The following LRP1B variants were observed in gnomAD, a reference collection of about 807,000 sequenced individuals.
LRP1B encodes the protein low-density lipoprotein receptor-related protein 1B.
LRP1B carries 217 observed loss-of-function variants against 556.6 expected under a neutral mutation model. That is an observed-to-expected ratio of 0.39 (90% CI 0.35 to 0.44). The LOEUF is 0.44. LRP1B is among the 20% of genes least tolerant of loss of function. The pLI, the probability that LRP1B is intolerant of heterozygous loss-of-function variation, is 1.00. For missense variants in LRP1B, 5,053 were observed against 5,620.8 expected (o/e 0.90, Z 3.23); for synonymous variants, 2,047 against 1,865.8 (o/e 1.10, Z -2.50).
At chr2:140,527,572 A>G (rs1574042798) in intron 47 of LRP1B, among the ~76,000 whole-genome samples, 1 of 151,916 alleles carries the variant, frequency 6.6e-6, no homozygotes, top group East Asian at 1.9e-4. Context: ...TTTTATTTAC[A>G]ATTTGCAATT....
intron 7 of LRP1B, among the ~76,000 whole-genome samples, chr2:141,065,534 T>C (rs562256620): frequency 7.2e-5 from 11 of 151,960 alleles, no homozygotes; most frequent in Non-Finnish European, 1.6e-4. Flanking sequence ...GATGTTAATA[T>C]TTCCAAAGAG....
chr2:141,447,081 C>A (rs1334193485), intron 3 of LRP1B, among the ~76,000 whole-genome samples: 1 of 152,016 alleles, frequency 6.6e-6, no homozygotes. Flanking sequence ...TTCACATAGT[C>A]CCATATTTCT....
At position 140,908,093 on chromosome 2, in the gene LRP1B, A is replaced by G; in HGVS notation, c.3320-16T>C. 3 of 1,603,002 alleles carry G rather than the reference A, an allele frequency of 1.9e-6. No homozygotes were observed. The highest frequency in any genetic ancestry group is 2.6e-6 in the Non-Finnish European group (3 of 1,170,636). On this transcript the variant is annotated splice_polypyrimidine_tract_variant and intron_variant, in intron 21 of 90. Transcript: ENST00000389484. The stretch of plus-strand genomic sequence containing the variant: ...ATGCATCTCCCTTAAGAAAACAGAA[A>G]TAGTGTCAGTTTGATTTTTGTGATT...
At chr2:141,270,624 G>T (rs1685054927) in intron 3 of LRP1B, among the ~76,000 whole-genome samples, 1 of 151,970 alleles carries the variant, frequency 6.6e-6, no homozygotes. Context: ...AGAAAATTCT[G>T]ACATATGCTG....
rs1341059993 is a variant in LRP1B, at chr2:142,031,492, C to T, written c.82+99156G>A. Among the ~76,000 whole-genome samples the T allele has an allele frequency of 1.8e-4, 18 of 99,324 alleles. 1 individual carries two copies. The highest frequency in any genetic ancestry group is 7.7e-4 in the Admixed American group (7 of 9,112). The allele number at this position is 99,324 out of a possible 152,430, so 65.2% of individuals were successfully genotyped here. ...CCAATGCTATCCCTCCCCCCTCCCC[C>T]GACCCCACCACAGTCCCCAGAGTGT... On this transcript the variant is annotated intron_variant, in intron 1 of 90. Coordinates refer to ENST00000389484, the MANE Select transcript of LRP1B (RefSeq NM_018557.3).
At chr2:140,753,782 A>G (rs1210135966) in intron 35 of LRP1B, among the ~76,000 whole-genome samples, 1 of 152,148 alleles carries the variant, frequency 6.6e-6, no homozygotes, top group Non-Finnish European at 1.5e-5. Flanking sequence ...TTGGCTCCCA[A>G]TAAAAAGTCT....
intron 1 of LRP1B, among the ~76,000 whole-genome samples, chr2:142,067,693 G>T (rs1705155519): frequency 6.6e-6 from 1 of 151,450 alleles, no homozygotes; most frequent in South Asian, 2.1e-4. Flanking sequence ...TCCCAAATAT[G>T]AAAAGAACAG....
At chr2:140,723,220 T>C (rs1448286262) in intron 35 of LRP1B, among the ~76,000 whole-genome samples, 1 of 152,164 alleles carries the variant, frequency 6.6e-6, no homozygotes, top group Non-Finnish European at 1.5e-5. Context: ...TCTCATGAAT[T>C]GTCAAGCTTT....
chr2:141,861,365 T>C (rs1198730533), intron 1 of LRP1B, among the ~76,000 whole-genome samples: 1 of 152,204 alleles, frequency 6.6e-6, no homozygotes, highest in Non-Finnish European at 1.5e-5. Flanking sequence ...TAACAACTTC[T>C]ACAATATGTG....
intron 7 of LRP1B, among the ~76,000 whole-genome samples, chr2:141,171,729 A>G (rs1014323918): frequency 6.6e-6 from 1 of 152,020 alleles, no homozygotes; most frequent in African/African-American, 2.4e-5. Context: ...TGACTGAAAC[A>G]TTTACTAGCT....
At chr2:140,992,247 AC>A (rs1284988718) in intron 16 of LRP1B, among the ~76,000 whole-genome samples, 1 of 152,080 alleles carries the variant, frequency 6.6e-6, no homozygotes, top group Non-Finnish European at 1.5e-5. Flanking sequence ...GGGAAAAAAA[AC>A]ACAAAAAAAC....
At chr2:141,554,002 T>G (rs1685861323) in intron 2 of LRP1B, among the ~76,000 whole-genome samples, 2 of 140,258 alleles carry the variant, frequency 1.4e-5, no homozygotes, top group African/African-American at 5.2e-5. Context: ...AGATTATATA[T>G]ATCTATATTA....
At chr2:140,334,400 A>G (rs1381452486) in intron 79 of LRP1B, 53 bp downstream of exon 79, 4 of 1,076,996 alleles carry the variant, frequency 3.7e-6, no homozygotes, top group Non-Finnish European at 5.8e-6. Context: ...AACTGTTAAC[A>G]GTAATATACT....
At chr2:141,009,466 T>C (rs1029922330) in intron 14 of LRP1B, among the ~76,000 whole-genome samples, 4 of 151,960 alleles carry the variant, frequency 2.6e-5, no homozygotes, top group African/African-American at 9.7e-5. Flanking sequence ...TTGAAGCCAC[T>C]TATGTAAGTG....
chr2:140,684,924 T>C (rs1206242534), intron 41 of LRP1B, among the ~76,000 whole-genome samples: 1 of 152,182 alleles, frequency 6.6e-6, no homozygotes, highest in East Asian at 1.9e-4. Context: ...ATTACATCCC[T>C]TTCTATTGTC....
chr2:141,204,918 C>T (rs1682205529), intron 6 of LRP1B, among the ~76,000 whole-genome samples: 2 of 151,208 alleles, frequency 1.3e-5, no homozygotes, highest in South Asian at 4.2e-4. Flanking sequence ...GCCTGGGTGA[C>T]AGAGCAAGAC....
At chr2:140,931,599 T>C (rs1209727769) in intron 20 of LRP1B, among the ~76,000 whole-genome samples, 2 of 152,164 alleles carry the variant, frequency 1.3e-5, no homozygotes, top group Non-Finnish European at 2.9e-5. Context: ...AGTTAAATTA[T>C]CTTTAGTGTT....
At chr2:140,526,026 C>T (rs1690417096) in intron 48 of LRP1B, 33 bp from the exon 49 acceptor site, 1 of 1,605,560 alleles carries the variant, frequency 6.2e-7, no homozygotes, top group Non-Finnish European at 8.5e-7. Context: ...TGAAAAAGTA[C>T]CTCATTTTCA....
At chr2:141,380,409 T>G (rs1223149149) in intron 3 of LRP1B, among the ~76,000 whole-genome samples, 1 of 152,198 alleles carries the variant, frequency 6.6e-6, no homozygotes, top group African/African-American at 2.4e-5. Flanking sequence ...CACTTGCCAC[T>G]GCTCACTCTA....
Sources: gnomAD v4.1 joint callset for allele counts (sites outside exome capture counted in the v4.1 genomes callset) on GRCh38, gnomAD v4.1.1 for gene constraint, MANE v1.5 for transcripts, NCBI Gene and HGNC (gene_info 2026-07-23, HGNC 2026-07-21) for gene names.